The following ABTB3 variants were observed in gnomAD, a reference collection of about 807,000 sequenced individuals.
ABTB3 encodes ankyrin repeat- and BTB/POZ domain-containing protein 3.
At chr12:107,643,752 C>CTTTTTTTTTTT in the ABTB3 span, among the ~76,000 whole-genome samples, 6 of 111,374 alleles carry the variant, frequency 5.4e-5, no homozygotes, top group South Asian at 3.1e-4. Flanking sequence ...ATTGTTATTC[C>CTTTTTTTTTTT]TTTTTTTTTT....
At chr12:107,472,230 G>C in the ABTB3 span, among the ~76,000 whole-genome samples, 1 of 152,194 alleles carries the variant, frequency 6.6e-6, no homozygotes, top group African/African-American at 2.4e-5. Flanking sequence ...GAAGAGCTTG[G>C]AGCAGCTGGC....
chr12:107,568,233 C>T, the ABTB3 span, among the ~76,000 whole-genome samples: 1 of 152,154 alleles, frequency 6.6e-6, no homozygotes, highest in Admixed American at 6.5e-5. Flanking sequence ...ACAGCTTGCT[C>T]ATCATTGTAA....
At chr12:107,611,512 CAA>C in the ABTB3 span, among the ~76,000 whole-genome samples, 1 of 152,158 alleles carries the variant, frequency 6.6e-6, no homozygotes, top group Non-Finnish European at 1.5e-5. Flanking sequence ...AATGGCTATG[CAA>C]AATGGTCATT....
At chr12:107,532,959 C>T in the ABTB3 span, among the ~76,000 whole-genome samples, 2 of 152,242 alleles carry the variant, frequency 1.3e-5, no homozygotes, top group South Asian at 2.1e-4. Context: ...GAGAAATAGT[C>T]TTCCCAGGAC....
At chr12:107,464,357 C>T in the ABTB3 span, among the ~76,000 whole-genome samples, 2 of 151,246 alleles carry the variant, frequency 1.3e-5, no homozygotes, top group Non-Finnish European at 3.0e-5. Context: ...GTCACCTGGG[C>T]TGGAGTATAG....
chr12:107,482,913 CTTCTTTCTTTCTTTCT>C, the ABTB3 span, among the ~76,000 whole-genome samples: 319 of 118,028 alleles, frequency 2.7e-3, 5 homozygotes, highest in East Asian at 9.5e-3. Flanking sequence ...TCTCTTTCTT[CTTCTTTCTTTCTTTCT>C]TTCTTTCTTT....
the ABTB3 span, among the ~76,000 whole-genome samples, chr12:107,643,830 C>G: frequency 1.5e-3 from 221 of 144,172 alleles, 2 homozygotes; most frequent in African/African-American, 5.3e-3. Flanking sequence ...GTGGCACAAT[C>G]TTGGCTCACG....
the ABTB3 span, among the ~76,000 whole-genome samples, chr12:107,457,993 C>T: frequency 1.3e-5 from 2 of 152,178 alleles, no homozygotes; most frequent in Non-Finnish European, 2.9e-5. Flanking sequence ...GGAATAATAA[C>T]ATTGTGAAGA....
chr12:107,409,828 C>T, the ABTB3 span, among the ~76,000 whole-genome samples: 1 of 152,070 alleles, frequency 6.6e-6, no homozygotes, highest in Non-Finnish European at 1.5e-5. Flanking sequence ...CAAACCTGCA[C>T]GTTCTGTACA....
chr12:107,325,783 G>C, the ABTB3 span, among the ~76,000 whole-genome samples: 4 of 152,194 alleles, frequency 2.6e-5, no homozygotes, highest in Non-Finnish European at 5.9e-5. Context: ...ACACCTGTAA[G>C]CTGCAGTTTC....
the ABTB3 span, among the ~76,000 whole-genome samples, chr12:107,364,150 C>A: frequency 6.6e-6 from 1 of 152,300 alleles, no homozygotes; most frequent in East Asian, 1.9e-4. Flanking sequence ...GACAGTTGCC[C>A]TCCATGTGTT....
At chr12:107,337,622 G>A in the ABTB3 span, among the ~76,000 whole-genome samples, 20 of 152,238 alleles carry the variant, frequency 1.3e-4, no homozygotes, top group African/African-American at 4.8e-4. Flanking sequence ...AGGCCATGCA[G>A]TGGGGATGTA....
chr12:107,479,239 T>C, the ABTB3 span, among the ~76,000 whole-genome samples: 3 of 152,090 alleles, frequency 2.0e-5, no homozygotes, highest in Non-Finnish European at 2.9e-5. Flanking sequence ...TCTGTGGCTT[T>C]TGCCACTGTT....
chr12:107,556,526 C>G, the ABTB3 span, among the ~76,000 whole-genome samples: 4 of 152,202 alleles, frequency 2.6e-5, no homozygotes, highest in African/African-American at 9.6e-5. Flanking sequence ...ACCCTCTCAA[C>G]TGCATCCCAT....
the ABTB3 span, among the ~76,000 whole-genome samples, chr12:107,337,790 G>A: frequency 6.6e-6 from 1 of 152,108 alleles, no homozygotes; most frequent in African/African-American, 2.4e-5. Flanking sequence ...TAAGGCAGCC[G>A]GTCAATTCCA....
chr12:107,500,083 G>A, the ABTB3 span, among the ~76,000 whole-genome samples: 1 of 152,154 alleles, frequency 6.6e-6, no homozygotes, highest in Middle Eastern at 3.2e-3. Context: ...CCTCCCACCA[G>A]GTCCCTCCCC....
the ABTB3 span, among the ~76,000 whole-genome samples, chr12:107,620,569 T>C: frequency 0.33 from 49,374 of 151,920 alleles, 9,451 homozygotes; most frequent in African/African-American, 0.54. Flanking sequence ...TGAGGTGCTG[T>C]GACTAGACCA....
chr12:107,372,136 T>C, the ABTB3 span, among the ~76,000 whole-genome samples: 1 of 152,250 alleles, frequency 6.6e-6, no homozygotes, highest in Non-Finnish European at 1.5e-5. Flanking sequence ...TTTGATTTAC[T>C]TTTGCATCAT....
the ABTB3 span, among the ~76,000 whole-genome samples, chr12:107,534,670 C>A: frequency 1.3e-5 from 2 of 152,104 alleles, no homozygotes; most frequent in African/African-American, 2.4e-5. Flanking sequence ...TAACTATACA[C>A]CAACAGATTG....
Sources: allele counts gnomAD v4.1 joint callset (sites outside exome capture counted in the v4.1 genomes callset), GRCh38; gene constraint gnomAD v4.1.1; transcripts MANE v1.5; gene names NCBI Gene and HGNC (gene_info 2026-07-23, HGNC 2026-07-21).